The following MYO1D variants were observed in gnomAD, a reference collection of about 807,000 sequenced individuals.
MYO1D encodes myosin ID.
In MYO1D, 83 loss-of-function variants were observed where a neutral mutation model predicts 122.0. The observed-to-expected ratio is 0.68, with a 90% CI of 0.57 to 0.82. The LOEUF (loss-of-function observed/expected upper bound fraction) is 0.82. Ranked by LOEUF, MYO1D falls within the 40% of genes least tolerant of loss-of-function variation. The pLI, the probability that MYO1D is intolerant of heterozygous loss-of-function variation, is 0.00. For missense variants in MYO1D, 1,157 were observed against 1,269.5 expected (o/e 0.91, Z 1.35); for synonymous variants, 464 against 446.9 (o/e 1.04, Z -0.48).
intron 1 of MYO1D, among the ~76,000 whole-genome samples, chr17:32,868,509 A>G (rs905222229): frequency 1.4e-4 from 21 of 152,290 alleles, no homozygotes; most frequent in African/African-American, 4.8e-4. Context: ...AAATCAAAAC[A>G]AACAAAAAAG....
At chr17:32,837,888 G>A (rs186258793) in intron 1 of MYO1D, among the ~76,000 whole-genome samples, 3 of 152,076 alleles carry the variant, frequency 2.0e-5, no homozygotes, top group Admixed American at 6.5e-5. Flanking sequence ...TTTCATAAAC[G>A]GTCTTCATTT....
At chr17:32,560,248 C>G (rs2087106847) in intron 21 of MYO1D, among the ~76,000 whole-genome samples, 1 of 151,570 alleles carries the variant, frequency 6.6e-6, no homozygotes, top group African/African-American at 2.4e-5. Flanking sequence ...GAATGAGACT[C>G]CATCTCAAAA....
intron 20 of MYO1D, among the ~76,000 whole-genome samples, chr17:32,622,766 T>G (rs908695405): frequency 6.6e-6 from 1 of 152,212 alleles, no homozygotes; most frequent in Non-Finnish European, 1.5e-5. Flanking sequence ...AGTTTCTAAT[T>G]CTAGAGCACC....
chr17:32,764,260 G>A (rs1289334485), intron 8 of MYO1D, among the ~76,000 whole-genome samples: 1 of 152,204 alleles, frequency 6.6e-6, no homozygotes, highest in Non-Finnish European at 1.5e-5. Context: ...ATTACCAGAG[G>A]CTAGAGGAGC....
At chr17:32,636,516 G>A (rs8073901) in intron 20 of MYO1D, among the ~76,000 whole-genome samples, 22,216 of 152,138 alleles carry the variant, frequency 0.15, 1,904 homozygotes, top group Middle Eastern at 0.23. Flanking sequence ...CCATCACATC[G>A]AACTTGCTCC....
chr17:32,545,856 C>T (rs1475154592), intron 21 of MYO1D, among the ~76,000 whole-genome samples: 2 of 150,826 alleles, frequency 1.3e-5, no homozygotes, highest in African/African-American at 2.4e-5. Context: ...TTCTCCCTTT[C>T]CTCTGTACAC....
intron 1 of MYO1D, among the ~76,000 whole-genome samples, chr17:32,874,271 C>T (rs1235565275): frequency 1.9e-5 from 2 of 106,932 alleles, no homozygotes; most frequent in Non-Finnish European, 3.9e-5. Flanking sequence ...TCTCTCCTTC[C>T]TTCCCTTCCT....
At chr17:32,552,427 T>TCCATCCATCCATCCATCCATCCAC (rs1567887086) in intron 21 of MYO1D, among the ~76,000 whole-genome samples, 30 of 149,786 alleles carry the variant, frequency 2.0e-4, no homozygotes, top group African/African-American at 6.7e-4. Flanking sequence ...CACCCATCCA[T>TCCATCCATCCATCCATCCATCCAC]CCATCCATCC....
At chr17:32,638,884 T>A (rs2088147433) in intron 19 of MYO1D, 49 bp from the exon 20 acceptor site, 1 of 1,288,468 alleles carries the variant, frequency 7.8e-7, no homozygotes, top group African/African-American at 1.5e-5. Context: ...AATAAGGAAA[T>A]CAAGTTGGCT....
At chr17:32,573,493 G>A (rs2087249538) in intron 21 of MYO1D, among the ~76,000 whole-genome samples, 2 of 151,736 alleles carry the variant, frequency 1.3e-5, no homozygotes, top group Non-Finnish European at 2.9e-5. Flanking sequence ...GAAAGGGTGT[G>A]TGTGAAAGGC....
intron 1 of MYO1D, among the ~76,000 whole-genome samples, chr17:32,824,928 TG>T: frequency 6.6e-6 from 1 of 152,350 alleles, no homozygotes; most frequent in African/African-American, 2.4e-5. Context: ...TTTACTTTTG[TG>T]GAGTAGAATT....
chr17:32,645,361 G>C (rs1017343153), intron 19 of MYO1D, among the ~76,000 whole-genome samples: 1 of 152,108 alleles, frequency 6.6e-6, no homozygotes, highest in African/African-American at 2.4e-5. Flanking sequence ...CAACTTTGGT[G>C]AATCTGACAA....
Position 32,876,764 on chromosome 17 carries a change from C to T in MYO1D, c.95+14G>A. The T allele has an allele frequency of 2.0e-6, 3 of 1,494,816 alleles. No individual in the cohort carries two copies. The highest frequency in any genetic ancestry group is 2.7e-6 in the Non-Finnish European group (3 of 1,121,110). The allele number at this position is 1,494,816 out of a possible 1,614,324, so 92.6% of individuals were successfully genotyped here. A position where few individuals can be genotyped will look rare whatever the true frequency, so the allele number is the denominator to read the frequency against. The stretch of plus-strand genomic sequence containing the variant: ...GCAGCCTCGCGCCCCTGCGCGCGGC[C>T]GCTCCGCCCTCACCTGAGCCTGAGG... On this transcript the variant is annotated intron_variant, in intron 1 of 21. Coordinates refer to ENST00000318217, the MANE Select transcript of MYO1D (RefSeq NM_015194.3).
In MYO1D at chr17:32,560,528, C is replaced by CATATATATAT. The variant is rs56214129; in HGVS notation, c.2864+44549_2864+44558dup. ...AAAAAAAAGTAATACCCAGAGACAA[C>CATATATATAT]ATATATATATATATATATATATATA... On this transcript the variant is annotated intron_variant, in intron 21 of 21. Coordinates refer to ENST00000318217, the MANE Select transcript of MYO1D (RefSeq NM_015194.3). Among the ~76,000 whole-genome samples, 125 of 65,378 alleles carry CATATATATAT rather than the reference C, an allele frequency of 1.9e-3. 6 individuals are homozygous for CATATATATAT. The highest frequency in any genetic ancestry group is 3.2e-3 in the Non-Finnish European group (98 of 31,004). 42.9% of individuals were successfully genotyped at this position (65,378 alleles called of 152,430 possible). A position where few individuals can be genotyped will look rare whatever the true frequency, so the allele number is the denominator to read the frequency against.
At position 32,831,196 on chromosome 17, in the gene MYO1D, A is replaced by C. The variant is rs959137122; in HGVS notation, c.95+45582T>G. On this transcript the variant is annotated intron_variant, in intron 1 of 21. Transcript: ENST00000318217. ...ACACAATACTAAGCAGCAATTTAAT[A>C]GAGTGCTAATCTAATCAGAAAAGGC... Among the ~76,000 whole-genome samples, 37 of 152,228 alleles carry C rather than the reference A, an allele frequency of 2.4e-4. 1 individual carries two copies. The highest frequency in any genetic ancestry group is 8.7e-4 in the African/African-American group (36 of 41,460).
At chr17:32,730,317 G>C (rs1356070926) in intron 14 of MYO1D, among the ~76,000 whole-genome samples, 2 of 151,902 alleles carry the variant, frequency 1.3e-5, no homozygotes, top group African/African-American at 4.8e-5. Context: ...TCTTCTAATT[G>C]ATATGCAATT....
At chr17:32,771,247 T>G in intron 5 of MYO1D, 27 bp from the exon 6 acceptor site, 5 of 1,526,216 alleles carry the variant, frequency 3.3e-6, no homozygotes, top group Non-Finnish European at 4.5e-6. Flanking sequence ...TAGAAATAAA[T>G]TGGCCAGACA....
intron 16 of MYO1D, among the ~76,000 whole-genome samples, chr17:32,672,309 C>T (rs1329081545): frequency 1.3e-5 from 2 of 152,198 alleles, no homozygotes; most frequent in Non-Finnish European, 2.9e-5. Flanking sequence ...ATGTATCACA[C>T]TTAAAGCAGT....
intron 16 of MYO1D, among the ~76,000 whole-genome samples, chr17:32,676,814 A>ATTTTTTTTTTT (rs950108382): frequency 6.8e-6 from 1 of 146,850 alleles, no homozygotes; most frequent in East Asian, 2.0e-4. Context: ...GAAAAATAGA[A>ATTTTTTTTTTT]TTTTTTTTTT....
Sources: gnomAD v4.1 joint callset for allele counts (sites outside exome capture counted in the v4.1 genomes callset) on GRCh38, gnomAD v4.1.1 for gene constraint, MANE v1.5 for transcripts, NCBI Gene and HGNC (gene_info 2026-07-23, HGNC 2026-07-21) for gene names.